Variants in FBP2 observed in about 807,000 individuals in gnomAD.
FBP2 encodes the protein fructose-1,6-bisphosphatase isozyme 2.
Under a neutral mutation model 31.6 loss-of-function variants are expected in FBP2, and 27 were observed. The observed-to-expected ratio is 0.85, with a 90% CI of 0.63 to 1.18. The LOEUF (loss-of-function observed/expected upper bound fraction) is 1.18, where lower values mean the gene tolerates loss of function less well. FBP2 is among the 50% of genes most tolerant of loss of function. FBP2 has a pLI of 0.00. For synonymous variants in FBP2, 168 were observed against 179.8 expected (o/e 0.93, Z 0.53); for missense variants, 421 against 436.1 (o/e 0.97, Z 0.31).
chr9:94,559,823 C>T (rs1001493197), intron 6 of FBP2, among the ~76,000 whole-genome samples: 1 of 152,144 alleles, frequency 6.6e-6, no homozygotes, highest in African/African-American at 2.4e-5. Context: ...ACTGTACTAT[C>T]TGTATTCTCA....
rs761051127 is a variant in FBP2, at chr9:94,587,460, G to A, written c.180C>T (p.Ile60=). The change falls in exon 2 of 7, where the codon ATC becomes ATT. Residue 60 remains isoleucine, a synonymous_variant. Transcript: ENST00000375337. ...RKAGLAHLYG[I]AGSVNVTGDE... ...CTCCCGTCACGTTAACGCTTCCTGCGATTCCATACCTGAGAAGACAAAAGG... is the reference window on the plus strand; with the variant it reads ...CTCCCGTCACGTTAACGCTTCCTGCAATTCCATACCTGAGAAGACAAAAGG... 3.1e-6 allele frequency: 5 copies of A among 1,613,910 alleles called. No individual in the cohort carries two copies. Among genetic ancestry groups the A allele is most frequent in the East Asian group, 2.2e-5 (1 of 44,882 alleles).
chr9:94,581,673 A>G (rs1827373946), intron 3 of FBP2, among the ~76,000 whole-genome samples: 1 of 152,212 alleles, frequency 6.6e-6, no homozygotes, highest in Non-Finnish European at 1.5e-5. Flanking sequence ...ACCTTGACAA[A>G]AAAGGGAGAA....
At chr9:94,562,686 A>G (rs1314207078) in intron 6 of FBP2, among the ~76,000 whole-genome samples, 1 of 152,186 alleles carries the variant, frequency 6.6e-6, no homozygotes, top group Non-Finnish European at 1.5e-5. Flanking sequence ...GTGATTGGCT[A>G]AAATTCAGAT....
At chr9:94,589,838 ACTGTGCCTC>A (rs1017321336) in intron 1 of FBP2, among the ~76,000 whole-genome samples, 1 of 151,788 alleles carries the variant, frequency 6.6e-6, no homozygotes, top group Non-Finnish European at 1.5e-5. Flanking sequence ...CACCCCAAAG[ACTGTGCCTC>A]CTGGTCAAGA....
At chr9:94,569,805 A>G (rs1302821467) in intron 4 of FBP2, 4 of 152,184 alleles carry the variant, frequency 2.6e-5, no homozygotes, top group Non-Finnish European at 4.4e-5. Flanking sequence ...CCTGAACAAT[A>G]TGTGTGTTCT....
rs568870491 is a variant in FBP2, at chr9:94,563,838, A to G, written c.706-377T>C. Among the ~76,000 whole-genome samples, 7 of 152,360 alleles carry G rather than the reference A, an allele frequency of 4.6e-5. No homozygotes were observed. The East Asian group carries it at 1.2e-3, about 25-fold the overall frequency. On this transcript the variant is annotated intron_variant, in intron 5 of 6. Coordinates refer to ENST00000375337, the MANE Select transcript of FBP2 (RefSeq NM_003837.4). ...AAAGCAGAAAAAAGCAGGGGCTGCA[A>G]TCCTAATTTCAGACAAAATAGACTT...
chr9:94,580,379 G>A (rs112784892), intron 3 of FBP2, among the ~76,000 whole-genome samples: 19 of 152,246 alleles, frequency 1.2e-4, no homozygotes, highest in African/African-American at 4.6e-4. Flanking sequence ...AACACGCCCA[G>A]CTAATTTTTG....
At chr9:94,574,851 A>C (rs1002318432) in intron 3 of FBP2, among the ~76,000 whole-genome samples, 2 of 152,156 alleles carry the variant, frequency 1.3e-5, no homozygotes, top group African/African-American at 4.8e-5. Context: ...CACGGTCCTG[A>C]GATTTCAAAA....
intron 5 of FBP2, among the ~76,000 whole-genome samples, chr9:94,565,825 A>G (rs945920557): frequency 1.3e-5 from 2 of 152,190 alleles, no homozygotes; most frequent in Non-Finnish European, 2.9e-5. Context: ...GAGCGAGGGC[A>G]GGAGGGAGGG....
intron 1 of FBP2, 106 bp downstream of exon 1, chr9:94,593,451 G>A (rs930689249): frequency 1.9e-6 from 2 of 1,041,542 alleles, no homozygotes; most frequent in African/African-American, 3.2e-5. Flanking sequence ...GGGCACACAG[G>A]GCCAATAAGC....
Position 94,567,381 on chromosome 9 carries a change from T to C in FBP2, c.594A>G (p.Glu198=). The part of the protein sequence containing the change: ...DPALGEFVLV[E]KDVKIKKKGK... ...CTTTCTTCTTAATCTTGACATCTTT[T>C]TCCACCAGGACAAATTCACCAAGAG... The change falls in exon 5 of 7, where the codon GAA becomes GAG. Residue 198 remains glutamate, a synonymous_variant. Transcript: ENST00000375337. 6.2e-7 allele frequency: 1 copy of C among 1,614,136 alleles called. No individual in the cohort carries two copies. The highest frequency in any genetic ancestry group is 8.5e-7 in the Non-Finnish European group (1 of 1,180,022).
Position 94,558,862 on chromosome 9 carries a change from T to C in FBP2, c.*76A>G. ...ACCTTTTGTATACTCATAGCTACCA[T>C]CTCTGTTTATCGTTCATTTAGGGTC... On this transcript the variant is annotated 3_prime_UTR_variant, in exon 7 of 7. Transcript: ENST00000375337. 2.2e-6 allele frequency: 3 copies of C among 1,356,506 alleles called. No homozygotes were observed. Among genetic ancestry groups the C allele is most frequent in the South Asian group, 1.2e-5 (1 of 83,742 alleles). The allele number at this position is 1,356,506 out of a possible 1,614,324, so 84.0% of individuals were successfully genotyped here.
intron 5 of FBP2, 61 bp downstream of exon 5, chr9:94,567,209 C>A: frequency 6.3e-7 from 1 of 1,590,276 alleles, no homozygotes; most frequent in Non-Finnish European, 8.6e-7. Flanking sequence ...AAGCCACCAC[C>A]CAAACAGGAC....
chr9:94,586,280 C>T (rs1341247671), intron 2 of FBP2, among the ~76,000 whole-genome samples: 1 of 152,060 alleles, frequency 6.6e-6, no homozygotes, highest in African/African-American at 2.4e-5. Context: ...GAGGCTGAGG[C>T]GGGAGAATTG....
At chr9:94,561,350 G>GTTT (rs1463916724) in intron 6 of FBP2, among the ~76,000 whole-genome samples, 9 of 59,786 alleles carry the variant, frequency 1.5e-4, no homozygotes, top group Admixed American at 2.4e-4. Context: ...CATGTGACCT[G>GTTT]TATTTTTTTT....
chr9:94,568,562 C>T (rs1432383221), intron 4 of FBP2: 1 of 152,166 alleles, frequency 6.6e-6, no homozygotes, highest in Non-Finnish European at 1.5e-5. Flanking sequence ...AAAATGACAG[C>T]TCACAGTTGG....
chr9:94,589,074 C>T (rs1239788309), intron 1 of FBP2, among the ~76,000 whole-genome samples: 3 of 152,228 alleles, frequency 2.0e-5, no homozygotes, highest in South Asian at 2.1e-4. Flanking sequence ...TGCATTTTCT[C>T]CTCTGCCCTG....
intron 6 of FBP2, among the ~76,000 whole-genome samples, chr9:94,559,404 C>T (rs1038545347): frequency 1.3e-5 from 2 of 152,180 alleles, no homozygotes; most frequent in Non-Finnish European, 2.9e-5. Flanking sequence ...TTATGAGAGA[C>T]CTGCCTCTTG....
intron 4 of FBP2, chr9:94,568,394 G>A (rs1233798696): frequency 1.3e-5 from 2 of 152,186 alleles, no homozygotes; most frequent in Non-Finnish European, 2.9e-5. Flanking sequence ...ATACCCCTAT[G>A]TCTAGTTCTG....
Sources: gnomAD v4.1 joint callset for allele counts (sites outside exome capture counted in the v4.1 genomes callset) on GRCh38, gnomAD v4.1.1 for gene constraint, MANE v1.5 for transcripts, NCBI Gene and HGNC (gene_info 2026-07-23, HGNC 2026-07-21) for gene names.